Variants in MACROD2 observed in about 807,000 individuals in gnomAD.
MACROD2 encodes ADP-ribose glycohydrolase MACROD2.
In MACROD2, 36 loss-of-function variants were observed where a neutral mutation model predicts 70.4. The ratio of observed to expected loss-of-function variants is 0.51; its 90% CI spans 0.39 to 0.68. The LOEUF (loss-of-function observed/expected upper bound fraction) is 0.68. Among genes scored for constraint, MACROD2 ranks in the 30% least tolerant of loss-of-function variants. The pLI is 0.00. For synonymous variants in MACROD2, 172 were observed against 178.8 expected (o/e 0.96, Z 0.30); for missense variants, 496 against 538.4 (o/e 0.92, Z 0.78).
chr20:16,000,842 G>A (rs1267181734), intron 15 of MACROD2, among the ~76,000 whole-genome samples: 2 of 152,196 alleles, frequency 1.3e-5, no homozygotes, highest in Non-Finnish European at 2.9e-5. Flanking sequence ...GGATGTTTAT[G>A]TATACATTTT....
At chr20:15,467,337 A>G (rs746282030) in intron 7 of MACROD2, among the ~76,000 whole-genome samples, 4 of 152,222 alleles carry the variant, frequency 2.6e-5, no homozygotes, top group Non-Finnish European at 5.9e-5. Context: ...TTGTCCTTCA[A>G]ATATATTTGT....
At chr20:15,282,962 C>T (rs1291434492) in intron 6 of MACROD2, among the ~76,000 whole-genome samples, 1 of 152,134 alleles carries the variant, frequency 6.6e-6, no homozygotes, top group East Asian at 1.9e-4. Context: ...CCTCAGGAAA[C>T]TTACAATCAT....
At chr20:14,408,973 T>C (rs764941625) in intron 3 of MACROD2, among the ~76,000 whole-genome samples, 2 of 152,150 alleles carry the variant, frequency 1.3e-5, no homozygotes, top group Non-Finnish European at 2.9e-5. Context: ...CTACTACATA[T>C]AGAGCCTTCA....
chr20:14,995,583 T>G (rs1028380361), intron 5 of MACROD2, among the ~76,000 whole-genome samples: 1 of 152,076 alleles, frequency 6.6e-6, no homozygotes, highest in African/African-American at 2.4e-5. Context: ...TCATTAAATT[T>G]CAAGGGGCTA....
At chr20:14,279,761 G>T (rs936394147) in intron 3 of MACROD2, among the ~76,000 whole-genome samples, 8 of 152,148 alleles carry the variant, frequency 5.3e-5, no homozygotes, top group African/African-American at 1.9e-4. Context: ...ACATCCAAGA[G>T]ATGTGAAAGC....
At chr20:14,446,512 C>G (rs958387125) in intron 3 of MACROD2, among the ~76,000 whole-genome samples, 1 of 151,936 alleles carries the variant, frequency 6.6e-6, no homozygotes, top group Non-Finnish European at 1.5e-5. Flanking sequence ...CAGGATGAAC[C>G]TGGAAGGAAC....
At chr20:15,963,662 C>A (rs902232522) in intron 12 of MACROD2, among the ~76,000 whole-genome samples, 9 of 152,168 alleles carry the variant, frequency 5.9e-5, no homozygotes, top group Non-Finnish European at 1.5e-5. Context: ...ATGGCAATGT[C>A]ATCTTTCACC....
Position 15,725,708 on chromosome 20 carries a change from AT to A in MACROD2, c.646-137031del, listed in dbSNP as rs1297861018. Among the ~76,000 whole-genome samples, 3 of 152,064 alleles carry A rather than the reference AT, an allele frequency of 2.0e-5. No homozygotes were observed. The East Asian group carries it at 5.8e-4, about 29-fold the overall frequency. On this transcript the variant is annotated intron_variant, in intron 8 of 17. Transcript: ENST00000684519. ...TTCACCATTGTCATGTAAATTGTAG[AT>A]TTTTTGTACATATACTTTTTTTTCA...
At chr20:15,698,388 G>T (rs2050407505) in intron 8 of MACROD2, among the ~76,000 whole-genome samples, 1 of 152,150 alleles carries the variant, frequency 6.6e-6, no homozygotes, top group Non-Finnish European at 1.5e-5. Context: ...GTTTAAAGAG[G>T]CTGAAGATAT....
chr20:14,443,011 G>A lies in MACROD2; in HGVS notation c.272-50468G>A, dbSNP rs563342722. Among the ~76,000 whole-genome samples, 402 of 151,654 alleles carry A rather than the reference G, an allele frequency of 2.7e-3. 2 individuals carry two copies. The highest frequency in any genetic ancestry group is 4.7e-3 in the Non-Finnish European group (316 of 67,916). On this transcript the variant is annotated intron_variant, in intron 3 of 17. Coordinates refer to ENST00000684519, the MANE Select transcript of MACROD2 (RefSeq NM_001351661.2). ...GGAGAATGGCGTGAACCCGGGAGGCGGAGGTTGCAGTGAGCCGAGATCGCG... is the reference window on the plus strand; with the variant it reads ...GGAGAATGGCGTGAACCCGGGAGGCAGAGGTTGCAGTGAGCCGAGATCGCG...
chr20:14,932,772 T>C (rs2074307244), intron 5 of MACROD2, among the ~76,000 whole-genome samples: 1 of 152,082 alleles, frequency 6.6e-6, no homozygotes, highest in Non-Finnish European at 1.5e-5. Flanking sequence ...TTCACTATGT[T>C]GGCCAGGCTA....
rs186851939 is a variant in MACROD2 at position 15,839,604 on chromosome 20, A to G, written c.646-23141A>G. ...CTATGGTACAAAGCCCAGCTGCCCC[A>G]ACTGTCATAGCCTAAATCAGAAGCT... On this transcript the variant is annotated intron_variant, in intron 8 of 17. Coordinates refer to ENST00000684519, the MANE Select transcript of MACROD2 (RefSeq NM_001351661.2). Among the ~76,000 whole-genome samples the G allele has an allele frequency of 2.8e-4, 42 of 152,252 alleles. No homozygotes were observed. In the East Asian group the frequency reaches 3.3e-3, roughly 12 times the overall value.
intron 17 of MACROD2, among the ~76,000 whole-genome samples, chr20:16,049,192 C>A (rs6080106): frequency 0.48 from 73,129 of 151,710 alleles, 18,428 homozygotes; most frequent in African/African-American, 0.65. Flanking sequence ...AGGGTGATGT[C>A]ATGTATATCT....
chr20:14,407,020 A>G (rs1471450196), intron 3 of MACROD2, among the ~76,000 whole-genome samples: 1 of 151,970 alleles, frequency 6.6e-6, no homozygotes, highest in Non-Finnish European at 1.5e-5. Context: ...GCATCCTTGC[A>G]GATAGTTTTA....
intron 3 of MACROD2, among the ~76,000 whole-genome samples, chr20:14,261,594 A>C (rs1880085665): frequency 6.6e-6 from 1 of 152,198 alleles, no homozygotes; most frequent in South Asian, 2.1e-4. Context: ...GAAAATCAAG[A>C]AACCTATATT....
At chr20:15,747,592 G>A (rs1221547719) in intron 8 of MACROD2, among the ~76,000 whole-genome samples, 1 of 151,964 alleles carries the variant, frequency 6.6e-6, no homozygotes, top group Non-Finnish European at 1.5e-5. Flanking sequence ...TTTGTTTAGG[G>A]CTCTTGTATT....
At chr20:15,135,910 A>G (rs1342326394) in intron 5 of MACROD2, among the ~76,000 whole-genome samples, 1 of 152,042 alleles carries the variant, frequency 6.6e-6, no homozygotes, top group African/African-American at 2.4e-5. Flanking sequence ...AAGCATTCTT[A>G]TACACCAAAA....
chr20:14,516,697 T>A (rs1196553484), intron 4 of MACROD2, among the ~76,000 whole-genome samples: 2 of 152,146 alleles, frequency 1.3e-5, no homozygotes, highest in Admixed American at 1.3e-4. Context: ...CTGTTTTGGT[T>A]ACTGTGGCCT....
chr20:15,045,768 T>A (rs958581017), intron 5 of MACROD2, among the ~76,000 whole-genome samples: 14 of 132,030 alleles, frequency 1.1e-4, no homozygotes, highest in African/African-American at 3.2e-4. Context: ...CACACCACAC[T>A]TTTGGACTAT....
Sources: allele counts gnomAD v4.1 joint callset (sites outside exome capture counted in the v4.1 genomes callset), GRCh38; gene constraint gnomAD v4.1.1; transcripts MANE v1.5; gene names NCBI Gene and HGNC (gene_info 2026-07-23, HGNC 2026-07-21).